The following SHC3 variants were observed in gnomAD, a reference collection of about 807,000 sequenced individuals.
SHC3 encodes the protein SHC adaptor protein 3.
SHC3 carries 15 observed loss-of-function variants against 60.4 expected under a neutral mutation model. That is an observed-to-expected ratio of 0.25 (90% CI 0.17 to 0.38). The LOEUF (loss-of-function observed/expected upper bound fraction) is 0.38, where lower values mean the gene tolerates loss of function less well. SHC3 is among the 10% of genes least tolerant of loss of function. SHC3 has a pLI of 1.00. For synonymous variants in SHC3, 294 were observed against 325.9 expected (o/e 0.90, Z 1.05); for missense variants, 677 against 786.1 (o/e 0.86, Z 1.66).
At chr9:89,139,344 A>G (rs968373703) in intron 1 of SHC3, among the ~76,000 whole-genome samples, 1 of 152,218 alleles carries the variant, frequency 6.6e-6, no homozygotes, top group Non-Finnish European at 1.5e-5. Flanking sequence ...CCAGTTTACC[A>G]TTGTTACTAA....
intron 2 of SHC3, among the ~76,000 whole-genome samples, chr9:89,100,564 C>G (rs1825768261): frequency 6.6e-6 from 1 of 152,238 alleles, no homozygotes; most frequent in Admixed American, 6.5e-5. Context: ...AGTCACGTAA[C>G]TATCATCAAA....
chr9:89,089,360 A>G lies in SHC3; in HGVS notation c.546-11457T>C, dbSNP rs529329608. Among the ~76,000 whole-genome samples the G allele has an allele frequency of 2.0e-5, 3 of 152,276 alleles. No homozygotes were observed. In the East Asian group the frequency reaches 5.8e-4, roughly 29 times the overall value. On this transcript the variant is annotated intron_variant, in intron 2 of 11. Transcript: ENST00000375835. ...GTATATCTTGGAGGTGCCATGTGCA[A>G]CGCTGATCTTGGAGTTAGGTGCCAT...
chr9:89,160,915 T>C (rs1424085653), intron 1 of SHC3, among the ~76,000 whole-genome samples: 2 of 152,300 alleles, frequency 1.3e-5, no homozygotes, highest in Non-Finnish European at 2.9e-5. Context: ...AAAATAAGCC[T>C]CCATGGAATT....
chr9:89,059,507 G>A (rs1252071056), intron 6 of SHC3, among the ~76,000 whole-genome samples: 6 of 148,958 alleles, frequency 4.0e-5, no homozygotes, highest in East Asian at 2.0e-4. Flanking sequence ...GTGTTAGGAC[G>A]TGGTGGAGGA....
intron 11 of SHC3, among the ~76,000 whole-genome samples, chr9:89,023,097 C>G (rs572417884): frequency 1.3e-5 from 2 of 152,280 alleles, no homozygotes; most frequent in South Asian, 4.1e-4. Flanking sequence ...GGAGGGCAGG[C>G]GCAGGCTTCC....
At chr9:89,042,920 G>A (rs878856144) in intron 9 of SHC3, among the ~76,000 whole-genome samples, 3 of 151,810 alleles carry the variant, frequency 2.0e-5, no homozygotes, top group South Asian at 4.2e-4. Flanking sequence ...GGCTGGGCCC[G>A]GGCTGTTCTG....
chr9:89,025,440 G>C (rs575293588), intron 11 of SHC3, among the ~76,000 whole-genome samples: 44 of 152,254 alleles, frequency 2.9e-4, no homozygotes, highest in Middle Eastern at 3.4e-3. Context: ...AAACCTGAAG[G>C]CTGAGCCACA....
intron 1 of SHC3, among the ~76,000 whole-genome samples, chr9:89,151,016 C>CT (rs35724935): frequency 1.1e-3 from 154 of 140,584 alleles, no homozygotes; most frequent in African/African-American, 2.5e-3. Flanking sequence ...ATCTGCATGT[C>CT]TTTTTTTTTT....
intron 6 of SHC3, among the ~76,000 whole-genome samples, chr9:89,059,216 G>C (rs1825018621): frequency 6.7e-6 from 1 of 149,844 alleles, no homozygotes; most frequent in Non-Finnish European, 1.5e-5. Flanking sequence ...CGGTGGTGGA[G>C]GATGGTGGTG....
In SHC3 at chr9:89,022,579, A is replaced by G. The variant is rs533486614; in HGVS notation, c.1657-9004T>C. Among the ~76,000 whole-genome samples, 6 of 152,316 alleles carry G rather than the reference A, an allele frequency of 3.9e-5. No individual in the cohort carries two copies. The South Asian group carries it at 1.2e-3, about 32-fold the overall frequency. On this transcript the variant is annotated intron_variant, in intron 11 of 11. Coordinates refer to ENST00000375835, the MANE Select transcript of SHC3 (RefSeq NM_016848.6). ...TCCTCAGAATGACCCTTTGCTCATC[A>G]TAATAGCAAAAAAACACAACCCTGG...
chr9:89,064,623 T>C (rs533642247), intron 6 of SHC3, among the ~76,000 whole-genome samples: 1 of 152,236 alleles, frequency 6.6e-6, no homozygotes, highest in East Asian at 1.9e-4. Flanking sequence ...TTGAGGTTTT[T>C]TTAAGCTCCC....
chr9:89,160,127 C>G (rs1256386388), intron 1 of SHC3, among the ~76,000 whole-genome samples: 1 of 152,192 alleles, frequency 6.6e-6, no homozygotes, highest in Non-Finnish European at 1.5e-5. Flanking sequence ...GGGCTACAGC[C>G]CATGTTACAG....
chr9:89,045,126 C>A (rs1227865106), intron 9 of SHC3, among the ~76,000 whole-genome samples: 1 of 152,104 alleles, frequency 6.6e-6, no homozygotes, highest in Non-Finnish European at 1.5e-5. Flanking sequence ...GAGATGTCAA[C>A]TTCTCAGCAC....
intron 1 of SHC3, among the ~76,000 whole-genome samples, chr9:89,166,391 T>A (rs1405358845): frequency 1.3e-5 from 2 of 151,978 alleles, no homozygotes; most frequent in African/African-American, 4.8e-5. Context: ...AACAATTGAT[T>A]TAAAAATTGA....
chr9:89,114,498 A>G (rs1825994500), intron 1 of SHC3, among the ~76,000 whole-genome samples: 2 of 152,184 alleles, frequency 1.3e-5, no homozygotes, highest in African/African-American at 4.8e-5. Context: ...CATAGCATTT[A>G]TATTATATTA....
At chr9:89,079,065 C>T (rs951045135) in intron 2 of SHC3, among the ~76,000 whole-genome samples, 2 of 152,126 alleles carry the variant, frequency 1.3e-5, no homozygotes, top group Non-Finnish European at 1.5e-5. Context: ...TTGTAGAGAG[C>T]AGGGAAGGAA....
chr9:89,069,106 G>T (rs958560814), intron 5 of SHC3, among the ~76,000 whole-genome samples: 1 of 152,172 alleles, frequency 6.6e-6, no homozygotes, highest in Non-Finnish European at 1.5e-5. Context: ...CCCAGAGTTT[G>T]AGACCAGCCT....
chr9:89,175,291 A>G (rs1347297377), intron 1 of SHC3, among the ~76,000 whole-genome samples: 1 of 152,236 alleles, frequency 6.6e-6, no homozygotes, highest in Non-Finnish European at 1.5e-5. Context: ...TTCTGTGTGC[A>G]TAGCCCCATT....
intron 1 of SHC3, among the ~76,000 whole-genome samples, chr9:89,173,882 A>G (rs996991244): frequency 6.6e-5 from 10 of 152,204 alleles, no homozygotes; most frequent in Non-Finnish European, 1.2e-4. Flanking sequence ...TTTTCAAACC[A>G]TTTAGATATT....
Sources: allele counts gnomAD v4.1 joint callset (sites outside exome capture counted in the v4.1 genomes callset), GRCh38; gene constraint gnomAD v4.1.1; transcripts MANE v1.5; gene names NCBI Gene and HGNC (gene_info 2026-07-23, HGNC 2026-07-21).